WWC1: variants seen among roughly 807,000 people sequenced by gnomAD.
WWC1 encodes protein KIBRA.
Under a neutral mutation model 138.4 loss-of-function variants are expected in WWC1, and 55 were observed. That is an observed-to-expected ratio of 0.40 (90% CI 0.32 to 0.50). The LOEUF (loss-of-function observed/expected upper bound fraction) is 0.50, where lower values mean the gene tolerates loss of function less well. Among genes scored for constraint, WWC1 ranks in the 20% least tolerant of loss-of-function variants. WWC1 has a pLI of 0.72. For missense variants in WWC1, 1,226 were observed against 1,420.4 expected, an observed-to-expected ratio of 0.86 and a Z score of 2.20; for synonymous variants, 524 against 564.9, an observed-to-expected ratio of 0.93 and a Z score of 1.03.
At chr5:168,361,988 C>G (rs1775913634) in intron 1 of WWC1, among the ~76,000 whole-genome samples, 1 of 152,164 alleles carries the variant, frequency 6.6e-6, no homozygotes, top group Admixed American at 6.5e-5. Flanking sequence ...GAGGCTGAGG[C>G]AGGAGAATCG....
chr5:168,449,901 G>A (rs1265745103), intron 17 of WWC1, among the ~76,000 whole-genome samples: 1 of 152,200 alleles, frequency 6.6e-6, no homozygotes, highest in Non-Finnish European at 1.5e-5. Flanking sequence ...TAGATAGAGA[G>A]GCTGCTGGGG....
At chr5:168,376,047 C>G (rs1777139421) in intron 2 of WWC1, among the ~76,000 whole-genome samples, 2 of 147,852 alleles carry the variant, frequency 1.4e-5, no homozygotes, top group Admixed American at 1.4e-4. Context: ...ATATAATCTT[C>G]ATATTTGTCT....
intron 17 of WWC1, among the ~76,000 whole-genome samples, chr5:168,445,945 G>C: frequency 6.6e-6 from 1 of 152,106 alleles, no homozygotes; most frequent in East Asian, 1.9e-4. Flanking sequence ...TGTTAACCAA[G>C]AAGCATTCCT....
chr5:168,379,421 C>T (rs1417076560), intron 2 of WWC1, among the ~76,000 whole-genome samples: 5 of 151,952 alleles, frequency 3.3e-5, no homozygotes, highest in African/African-American at 1.2e-4. Context: ...TTTTTTGAGA[C>T]GGAGTTTCAC....
chr5:168,387,367 T>A (rs1778125025), intron 3 of WWC1, among the ~76,000 whole-genome samples: 2 of 152,174 alleles, frequency 1.3e-5, no homozygotes, highest in Admixed American at 1.3e-4. Context: ...CAGCCCTCCC[T>A]TTTTCCTTAG....
intron 21 of WWC1, among the ~76,000 whole-genome samples, chr5:168,466,766 C>A (rs1342609471): frequency 6.6e-6 from 1 of 152,136 alleles, no homozygotes; most frequent in Non-Finnish European, 1.5e-5. Flanking sequence ...TTATGTTTAT[C>A]TTTGAGCTTC....
At chr5:168,295,905 T>G (rs2152735939) in intron 1 of WWC1, among the ~76,000 whole-genome samples, 1 of 152,310 alleles carries the variant, frequency 6.6e-6, no homozygotes, top group East Asian at 1.9e-4. Flanking sequence ...AGTGGGCAGC[T>G]TGGGTCCTGC....
intron 1 of WWC1, among the ~76,000 whole-genome samples, chr5:168,320,925 T>A (rs1030019205): frequency 1.3e-5 from 2 of 152,222 alleles, no homozygotes; most frequent in Admixed American, 1.3e-4. Context: ...AGCGGAAAGG[T>A]AGCTGCTATA....
chr5:168,390,373 A>C (rs2152823637), intron 3 of WWC1, among the ~76,000 whole-genome samples: 1 of 152,342 alleles, frequency 6.6e-6, no homozygotes, highest in South Asian at 2.1e-4. Flanking sequence ...AAGGAAGTAA[A>C]CAATACAGTT....
intron 1 of WWC1, among the ~76,000 whole-genome samples, chr5:168,301,684 A>G (rs1282236074): frequency 6.6e-6 from 1 of 151,570 alleles, no homozygotes; most frequent in East Asian, 1.9e-4. Flanking sequence ...GTTCCTTCTC[A>G]GCTATAAAAC....
intron 9 of WWC1, among the ~76,000 whole-genome samples, chr5:168,418,316 C>T (rs1780812098): frequency 6.6e-6 from 1 of 152,202 alleles, no homozygotes; most frequent in African/African-American, 2.4e-5. Context: ...AGCTGGTGTG[C>T]AGTCATGCAG....
intron 17 of WWC1, among the ~76,000 whole-genome samples, chr5:168,447,546 T>C (rs1301117053): frequency 3.3e-5 from 5 of 152,222 alleles, no homozygotes; most frequent in Non-Finnish European, 5.9e-5. Flanking sequence ...CTTTTGATTT[T>C]TTTTTCAGCC....
At chr5:168,316,672 G>A (rs1322883086) in intron 1 of WWC1, 2 of 152,376 alleles carry the variant, frequency 1.3e-5, no homozygotes, top group Admixed American at 6.5e-5. Flanking sequence ...GAGCAGCTGA[G>A]GGCTAAGTGC....
At chr5:168,440,230 A>G (rs765408117) in intron 15 of WWC1, among the ~76,000 whole-genome samples, 7 of 152,356 alleles carry the variant, frequency 4.6e-5, no homozygotes, top group Middle Eastern at 6.8e-3. Context: ...TTATCAGAGC[A>G]ATGCAAATCA....
intron 9 of WWC1, 81 bp downstream of exon 9, chr5:168,414,671 G>A (rs534431836): frequency 6.8e-7 from 1 of 1,460,860 alleles, no homozygotes; most frequent in South Asian, 1.5e-5. Flanking sequence ...GGAAGAATGA[G>A]GGGGCTCCGG....
intron 1 of WWC1, among the ~76,000 whole-genome samples, chr5:168,336,571 C>CAAAAAAA (rs57339649): frequency 3.4e-4 from 20 of 57,984 alleles, no homozygotes; most frequent in East Asian, 1.1e-3. Context: ...GACTCTGTCT[C>CAAAAAAA]AAAAAAAAAA....
intron 9 of WWC1, 88 bp downstream of exon 9, chr5:168,414,678 C>T (rs566600756): frequency 1.4e-6 from 2 of 1,443,494 alleles, no homozygotes; most frequent in South Asian, 1.5e-5. Flanking sequence ...TGAGGGGGCT[C>T]CGGGCCCCTG....
chr5:168,454,120 T>A lies in WWC1; in HGVS notation c.2658+20T>A, dbSNP rs368304704. ...TTAAAGGTAGGAAGGGCTGGGGGGATAGAAGGGCTGTCGTGGGGAAGGAAC... is the reference window on the plus strand; with the variant it reads ...TTAAAGGTAGGAAGGGCTGGGGGGAAAGAAGGGCTGTCGTGGGGAAGGAAC... On this transcript the variant is annotated intron_variant, in intron 18 of 22. Transcript: ENST00000265293. 28 of 1,607,378 alleles carry A rather than the reference T, an allele frequency of 1.7e-5. No individual in the cohort carries two copies. The African/African-American group carries it at 3.8e-4, about 22-fold the overall frequency.
At chr5:168,378,250 A>C (rs952660648) in intron 2 of WWC1, among the ~76,000 whole-genome samples, 1 of 152,154 alleles carries the variant, frequency 6.6e-6, no homozygotes, top group Admixed American at 6.6e-5. Context: ...TTATCGACAT[A>C]AAAGATGGCA....
Sources: gnomAD v4.1 joint callset for allele counts (sites outside exome capture counted in the v4.1 genomes callset) on GRCh38, gnomAD v4.1.1 for gene constraint, MANE v1.5 for transcripts, NCBI Gene and HGNC (gene_info 2026-07-23, HGNC 2026-07-21) for gene names.